Variants in DOT1L observed in about 807,000 individuals in gnomAD.
DOT1L encodes the protein histone-lysine N-methyltransferase, H3 lysine-79 specific.
In DOT1L, 33 loss-of-function variants were observed where a neutral mutation model predicts 153.3. The ratio of observed to expected loss-of-function variants is 0.22; its 90% CI spans 0.16 to 0.29. The LOEUF (loss-of-function observed/expected upper bound fraction) is 0.29. DOT1L is among the 10% of genes least tolerant of loss of function. DOT1L has a pLI of 1.00. For synonymous variants in DOT1L, 1,135 were observed against 965.1 expected, an observed-to-expected ratio of 1.18 and a Z score of -3.26; for missense variants, 1,847 against 2,119.9, an observed-to-expected ratio of 0.87 and a Z score of 2.53.
intron 27 of DOT1L, chr19:2,228,320 G>A (rs756530534): frequency 2.0e-5 from 27 of 1,340,852 alleles, no homozygotes; most frequent in East Asian, 4.6e-5. Context: ...CCTATGCCGC[G>A]CACCTTTCGG....
At chr19:2,199,130 C>T (rs570050045) in intron 7 of DOT1L, among the ~76,000 whole-genome samples, 13 of 152,298 alleles carry the variant, frequency 8.5e-5, no homozygotes, top group South Asian at 2.1e-4. Flanking sequence ...CAGATGCTAC[C>T]GTGTTGGACA....
chr19:2,197,027 C>T lies in DOT1L; in HGVS notation c.651+2450C>T, dbSNP rs190868923. ...GAACGCGTCCGCCTTGGTCGGCGTG[C>T]GATTCTGTTTATCCAAGGTGGGATT... On this transcript the variant is annotated intron_variant, in intron 7 of 27. Coordinates refer to ENST00000398665, the MANE Select transcript of DOT1L (RefSeq NM_032482.3). This position sits in a 1 kb window ranked among gnomAD's most constrained non-coding sequence, Gnocchi z 4.1. Among the ~76,000 whole-genome samples, 14 of 152,316 alleles carry T rather than the reference C, an allele frequency of 9.2e-5. No individual in the cohort carries two copies. The highest frequency in any genetic ancestry group is 2.6e-4 in the African/African-American group (11 of 41,574).
At chr19:2,167,387 C>T (rs1416490750) in intron 1 of DOT1L, among the ~76,000 whole-genome samples, 1 of 152,220 alleles carries the variant, frequency 6.6e-6, no homozygotes, top group Non-Finnish European at 1.5e-5. Context: ...GAAGGCAGCC[C>T]TGGTGTCCCC....
intron 1 of DOT1L, among the ~76,000 whole-genome samples, chr19:2,166,516 A>AC (rs2019929100): frequency 6.6e-6 from 1 of 151,772 alleles, no homozygotes; most frequent in Non-Finnish European, 1.5e-5. Context: ...GGTTCAAGCG[A>AC]TTCTCCTGCC....
At chr19:2,165,304 A>T (rs1161638013) in intron 1 of DOT1L, among the ~76,000 whole-genome samples, 1 of 151,862 alleles carries the variant, frequency 6.6e-6, no homozygotes, top group Non-Finnish European at 1.5e-5. Context: ...GGCTTGTGTC[A>T]GTTTTTGGAA....
intron 1 of DOT1L, among the ~76,000 whole-genome samples, chr19:2,164,937 C>T (rs561173777): frequency 1.3e-5 from 2 of 152,334 alleles, no homozygotes; most frequent in African/African-American, 4.8e-5. Context: ...TCTCCCCGAT[C>T]TTGAGTGGGC....
intron 23 of DOT1L, 112 bp from the exon 24 acceptor site, chr19:2,221,864 C>T (rs2024128601): frequency 8.6e-7 from 1 of 1,156,914 alleles, no homozygotes; most frequent in Admixed American, 2.8e-5. Flanking sequence ...CCCTTCCCCA[C>T]TTCCCCGCCT....
chr19:2,209,166 A>C (rs1599590793), intron 12 of DOT1L, among the ~76,000 whole-genome samples, 190 bp downstream of exon 12: 2 of 146,090 alleles, frequency 1.4e-5, no homozygotes, highest in African/African-American at 2.5e-5. Context: ...TCCTCTCCCT[A>C]CCCTTTCCTC....
Position 2,222,469 on chromosome 19 carries a change from C to T in DOT1L, c.3300C>T (p.Ser1100=), listed in dbSNP as rs777857613. Reference sequence around the variant, plus strand: ...CATCTGCGGGGACGCCCAGCTTGAGCGCAGGCGTGTCCCCCAAGCGCCGAG... The same window carrying T: ...CATCTGCGGGGACGCCCAGCTTGAGTGCAGGCGTGTCCCCCAAGCGCCGAG... ...KRASAGTPSL[S]AGVSPKRRAL... The change falls in exon 24 of 28, where the codon AGC becomes AGT. Residue 1100 remains serine (S), a synonymous_variant. Coordinates refer to ENST00000398665, the MANE Select transcript of DOT1L (RefSeq NM_032482.3). This position sits in a 1 kb window ranked among gnomAD's most constrained non-coding sequence, Gnocchi z 6.5. 2.7e-5 allele frequency: 43 copies of T among 1,604,560 alleles called. No individual in the cohort carries two copies. Among genetic ancestry groups the T allele is most frequent in the African/African-American group, 9.4e-5 (7 of 74,836 alleles).
intron 2 of DOT1L, among the ~76,000 whole-genome samples, chr19:2,184,690 G>T (rs2022409416): frequency 6.6e-6 from 1 of 152,174 alleles, no homozygotes; most frequent in Non-Finnish European, 1.5e-5. Flanking sequence ...CTGGCCTCTT[G>T]GAGGGTACCG....
intron 1 of DOT1L, among the ~76,000 whole-genome samples, chr19:2,165,806 T>TCGC (rs2019894290): frequency 6.6e-6 from 1 of 151,364 alleles, no homozygotes; most frequent in Non-Finnish European, 1.5e-5. Context: ...TCTCGATCTG[T>TCGC]CGCCAAAGCT....
intron 1 of DOT1L, among the ~76,000 whole-genome samples, chr19:2,166,365 G>C (rs1490794422): frequency 1.3e-5 from 2 of 152,006 alleles, no homozygotes; most frequent in Non-Finnish European, 2.9e-5. Context: ...CAAAGTGCTG[G>C]GATTACAGGC....
intron 1 of DOT1L, among the ~76,000 whole-genome samples, chr19:2,166,266 T>C (rs2019918312): frequency 6.7e-6 from 1 of 150,328 alleles, no homozygotes; most frequent in South Asian, 2.1e-4. Flanking sequence ...CCTGCTAATT[T>C]TGTATTTTTA....
At position 2,216,763 on chromosome 19, in the gene DOT1L, G is replaced by C. The variant is rs777914517; in HGVS notation, c.2406G>C (p.Ser802=). 1 of 1,588,698 alleles carries C rather than the reference G, an allele frequency of 6.3e-7. No individual in the cohort carries two copies. Among genetic ancestry groups the C allele is most frequent in the Non-Finnish European group, 8.5e-7 (1 of 1,171,738 alleles). ...GGCCGGCTGCCAGTGAGCTGCATTCGAGGTGAGTGCCCTGGTGGGGCTGGG... is the reference window on the plus strand; with the variant it reads ...GGCCGGCTGCCAGTGAGCTGCATTCCAGGTGAGTGCCCTGGTGGGGCTGGG... ...PGRPAASELH[S]RAEHTKENGL... is the part of the protein sequence containing the mutation. The change falls in exon 20 of 28, where the codon TCG becomes TCC. Residue 802 remains serine (S), a splice_region_variant and synonymous_variant. Transcript: ENST00000398665.
At chr19:2,183,860 C>G (rs1343905271) in intron 2 of DOT1L, among the ~76,000 whole-genome samples, 1 of 151,912 alleles carries the variant, frequency 6.6e-6, no homozygotes, top group Admixed American at 6.6e-5. Flanking sequence ...CTCCTGACCT[C>G]GTGATCCGCC....
In DOT1L at chr19:2,217,101, C is replaced by A; in HGVS notation, c.2544+11C>A. The stretch of plus-strand genomic sequence containing the variant: ...AAGAGCAGTGAGAAGGTGCGGGCCG[C>A]GACCCCTGCCCCGGGCTCAGGGAGG... On this transcript the variant is annotated intron_variant, in intron 21 of 27. Coordinates refer to ENST00000398665, the MANE Select transcript of DOT1L (RefSeq NM_032482.3). This position sits in a 1 kb window ranked among gnomAD's most constrained non-coding sequence, Gnocchi z 7.3. 1 of 1,582,456 alleles carries A rather than the reference C, an allele frequency of 6.3e-7. No homozygotes were observed. Among genetic ancestry groups the A allele is most frequent in the Non-Finnish European group, 8.6e-7 (1 of 1,161,410 alleles).
intron 12 of DOT1L, among the ~76,000 whole-genome samples, chr19:2,209,697 G>A (rs760780731): frequency 6.6e-6 from 1 of 152,270 alleles, no homozygotes; most frequent in Non-Finnish European, 1.5e-5. Context: ...AAAGCTGAGA[G>A]GATGTTTGTC....
chr19:2,164,188 G>A lies in DOT1L; in HGVS notation c.4G>A (p.Gly2Arg). ...TGCGGCGGCCGCGCGCGCGGACATG[G>A]GGGAGAAGCTGGAGCTGAGACTGAA... The part of the protein sequence containing the change: M[G>R]EKLELRLKSP... The change falls in exon 1 of 28, where the codon GGG becomes AGG. Residue 2 changes from glycine to arginine, a missense_variant. Physicochemically the swap from Gly to Arg is moderately radical, Grantham distance 125 (BLOSUM62 -2). Coordinates refer to ENST00000398665, the MANE Select transcript of DOT1L (RefSeq NM_032482.3). 1 of 1,252,760 alleles carries A rather than the reference G, an allele frequency of 8.0e-7. No homozygotes were observed. 77.6% of individuals were successfully genotyped at this position (1,252,760 alleles called of 1,614,324 possible).
chr19:2,226,234 G>A lies in DOT1L; in HGVS notation c.3713G>A (p.Ser1238Asn). 2 of 1,553,072 alleles carry A rather than the reference G, an allele frequency of 1.3e-6. No individual in the cohort carries two copies. The highest frequency in any genetic ancestry group is 1.7e-6 in the Non-Finnish European group (2 of 1,148,080). Reference protein sequence around the residue: ...KPAPAGEPVNSSKWKSTFSPI... With the variant: ...KPAPAGEPVNNSKWKSTFSPI... Reference sequence around the variant, plus strand: ...GCGCCCGCCGGCGAGCCAGTCAATAGCAGCAAGTGGAAGTCCACCTTCTCG... The same window carrying A: ...GCGCCCGCCGGCGAGCCAGTCAATAACAGCAAGTGGAAGTCCACCTTCTCG... Residue 1238 changes from serine (S) to asparagine (N), a missense_variant, in exon 27 of 28, where the codon AGC becomes AAC. Around this residue, in one of 8 missense-constraint regions of DOT1L, gnomAD observed 934 missense variants for 825.3 expected, o/e 1.13. Coordinates refer to ENST00000398665, the MANE Select transcript of DOT1L (RefSeq NM_032482.3).
Sources: allele counts gnomAD v4.1 joint callset (sites outside exome capture counted in the v4.1 genomes callset), GRCh38; gene constraint gnomAD v4.1.1; regional missense constraint gnomAD v4.1.1; non-coding constraint Gnocchi (gnomAD v3.1); transcripts MANE v1.5; gene names NCBI Gene and HGNC (gene_info 2026-07-23, HGNC 2026-07-21).